EMSY: variants seen among roughly 807,000 people sequenced by gnomAD.
EMSY encodes BRCA2-interacting transcriptional repressor EMSY.
A neutral mutation model predicts 134.6 loss-of-function variants in EMSY; 26 were observed. That is an observed-to-expected ratio of 0.19 (90% confidence interval 0.14 to 0.27). EMSY has a LOEUF of 0.27. EMSY is among the 10% of genes least tolerant of loss of function. EMSY has a pLI of 1.00. For synonymous variants in EMSY, 579 were observed against 577.8 expected (o/e 1.00, Z -0.03); for missense variants, 1,305 against 1,611.4 (o/e 0.81, Z 3.26).
intron 6 of EMSY, 196 bp downstream of exon 7, chr11:76,460,281 G>A (rs1002096345): frequency 1.9e-6 from 1 of 522,804 alleles, no homozygotes; most frequent in Non-Finnish European, 3.3e-6. Flanking sequence ...TGGGGTTTCA[G>A]AAGTGACTTC....
At chr11:76,526,371 A>T (rs1421152272) in intron 12 of EMSY, 91 bp from the exon 14 acceptor site, 1 of 932,566 alleles carries the variant, frequency 1.1e-6, no homozygotes, top group African/African-American at 1.7e-5. Flanking sequence ...TTTTTTCATC[A>T]TCCTGGTAAA....
intron 16 of EMSY, 110 bp downstream of exon 17, chr11:76,538,060 CTT>C: frequency 9.8e-7 from 1 of 1,024,236 alleles, no homozygotes; most frequent in South Asian, 2.5e-5. Flanking sequence ...GCTTTTTCCT[CTT>C]TGTTTTCAGA....
chr11:76,473,912 T>C (rs964421960), intron 8 of EMSY, among the ~76,000 whole-genome samples: 2 of 149,880 alleles, frequency 1.3e-5, no homozygotes, highest in African/African-American at 2.5e-5. Context: ...GGAGAATCGT[T>C]TGGATCACTT....
At chr11:76,510,824 GTTC>G (rs948114372) in intron 9 of EMSY, among the ~76,000 whole-genome samples, 4 of 152,322 alleles carry the variant, frequency 2.6e-5, no homozygotes, top group East Asian at 3.9e-4. Flanking sequence ...GGAATCCCGA[GTTC>G]TTCTTCACTG....
At chr11:76,518,663 T>C (rs1299112821) in intron 11 of EMSY, among the ~76,000 whole-genome samples, 1 of 142,862 alleles carries the variant, frequency 7.0e-6, no homozygotes, top group East Asian at 2.0e-4. Context: ...TATTCGTTTG[T>C]ATAAAGTGTG....
At chr11:76,526,572 A>C in exon 13 of EMSY, 1 of 1,613,834 alleles carries the variant, frequency 6.2e-7, no homozygotes, top group Non-Finnish European at 8.5e-7. Context: ...TAGGTTCTAC[A>C]GTTCAACCAG....
chr11:76,508,937 C>T (rs1449885633), intron 9 of EMSY, among the ~76,000 whole-genome samples: 1 of 151,938 alleles, frequency 6.6e-6, no homozygotes, highest in Non-Finnish European at 1.5e-5. Context: ...CAAGCAGGCC[C>T]AAGGAGAGGG....
exon 8 of EMSY, chr11:76,472,695 T>C: frequency 6.2e-7 from 1 of 1,614,184 alleles, no homozygotes; most frequent in Non-Finnish European, 8.5e-7. Flanking sequence ...AGCCACCAGT[T>C]GTTATAACTG....
intron 8 of EMSY, among the ~76,000 whole-genome samples, chr11:76,485,820 A>G (rs1172344530): frequency 6.6e-6 from 1 of 152,234 alleles, no homozygotes; most frequent in South Asian, 2.1e-4. Flanking sequence ...AAATTAGTTC[A>G]ATGATTGTGG....
intron 8 of EMSY, among the ~76,000 whole-genome samples, chr11:76,484,306 C>A (rs1404842625): frequency 6.6e-6 from 1 of 152,182 alleles, no homozygotes; most frequent in Non-Finnish European, 1.5e-5. Context: ...CAGGAAAGAT[C>A]TAAAATTGAC....
chr11:76,543,022 A>G (rs1951504452), intron 18 of EMSY, among the ~76,000 whole-genome samples: 1 of 152,206 alleles, frequency 6.6e-6, no homozygotes, highest in Non-Finnish European at 1.5e-5. Context: ...TGATCTTGCA[A>G]GGTGGGTGTG....
chr11:76,473,125 A>G (rs946943323), intron 8 of EMSY, among the ~76,000 whole-genome samples: 1 of 152,204 alleles, frequency 6.6e-6, no homozygotes, highest in African/African-American at 2.4e-5. Flanking sequence ...AAAGGGCTGT[A>G]CAAATATCTT....
At chr11:76,473,454 A>G (rs913543362) in intron 8 of EMSY, among the ~76,000 whole-genome samples, 1 of 151,830 alleles carries the variant, frequency 6.6e-6, no homozygotes, top group Non-Finnish European at 1.5e-5. Flanking sequence ...CCACAGGCAC[A>G]CACCACCATA....
intron 2 of EMSY, among the ~76,000 whole-genome samples, chr11:76,448,176 T>C (rs1478031015): frequency 1.3e-5 from 2 of 152,206 alleles, no homozygotes; most frequent in Non-Finnish European, 2.9e-5. Flanking sequence ...GAATTTTTCT[T>C]TGTAAATCAG....
intron 11 of EMSY, among the ~76,000 whole-genome samples, chr11:76,519,308 A>G (rs575905276): frequency 6.6e-6 from 1 of 152,190 alleles, no homozygotes; most frequent in East Asian, 1.9e-4. Flanking sequence ...CAGGTGATCC[A>G]CCTGCCTTGG....
At chr11:76,493,612 C>T (rs1349219075) in intron 8 of EMSY, among the ~76,000 whole-genome samples, 1 of 152,216 alleles carries the variant, frequency 6.6e-6, no homozygotes, top group African/African-American at 2.4e-5. Context: ...TGGGGAAGAT[C>T]TGCCTGTGGA....
intron 7 of EMSY, among the ~76,000 whole-genome samples, chr11:76,469,717 A>G (rs1457712971): frequency 6.6e-6 from 1 of 152,186 alleles, no homozygotes; most frequent in Non-Finnish European, 1.5e-5. Context: ...CCCATTTTAT[A>G]GATGAAAATT....
intron 9 of EMSY, among the ~76,000 whole-genome samples, chr11:76,501,390 A>G (rs1476869200): frequency 6.6e-6 from 1 of 152,228 alleles, no homozygotes; most frequent in Admixed American, 6.5e-5. Flanking sequence ...AGTAGCCATT[A>G]CAAATATGTT....
chr11:76,453,500 C>A, intron 4 of EMSY, 112 bp downstream of exon 4: 1 of 918,238 alleles, frequency 1.1e-6, no homozygotes, highest in South Asian at 1.8e-5. Flanking sequence ...AACAATATCT[C>A]TATACTCAGG....
Sources: gnomAD v4.1 joint callset for allele counts (sites outside exome capture counted in the v4.1 genomes callset) on GRCh38, gnomAD v4.1.1 for gene constraint, MANE v1.5 for transcripts, NCBI Gene and HGNC (gene_info 2026-07-23, HGNC 2026-07-21) for gene names.